Variants in SNX18 observed in about 807,000 individuals in gnomAD.
The protein encoded by SNX18 is sorting nexin 18, also known as sorting nexin-18.
In SNX18, 35 loss-of-function variants were observed where a neutral mutation model predicts 48.7. That is an observed-to-expected ratio of 0.72 (90% CI 0.55 to 0.95). The LOEUF is 0.95. Ranked by LOEUF, SNX18 falls within the 40% of genes least tolerant of loss-of-function variation. SNX18 has a pLI of 0.00. For missense variants in SNX18, 824 were observed against 871.0 expected (o/e 0.95, Z 0.68); for synonymous variants, 492 against 384.7 (o/e 1.28, Z -3.26).
chr5:54,632,027 G>A, the SNX18 span, among the ~76,000 whole-genome samples: 1 of 152,196 alleles, frequency 6.6e-6, no homozygotes, highest in African/African-American at 2.4e-5. Context: ...GAGTTCATCA[G>A]AGATTTCAAG....
At chr5:54,519,887 CGAGG>C (rs1561112751) in intron 1 of SNX18, 1 of 1,478,710 alleles carries the variant, frequency 6.8e-7, no homozygotes, top group Non-Finnish European at 9.2e-7. Flanking sequence ...AATCTTGAGA[CGAGG>C]GTAGAATTAG....
chr5:54,575,706 C>T, the SNX18 span, among the ~76,000 whole-genome samples: 3 of 151,948 alleles, frequency 2.0e-5, no homozygotes, highest in Admixed American at 6.6e-5. Flanking sequence ...TACAATTTTC[C>T]ATGAGAAAGA....
the SNX18 span, among the ~76,000 whole-genome samples, chr5:54,586,116 C>T: frequency 0.017 from 2,536 of 152,190 alleles, 78 homozygotes; most frequent in African/African-American, 0.057. Context: ...GTGGGTTTTT[C>T]CTAAAGGTAA....
At chr5:54,556,757 C>T in the SNX18 span, among the ~76,000 whole-genome samples, 22 of 152,116 alleles carry the variant, frequency 1.4e-4, no homozygotes, top group African/African-American at 4.8e-4. Flanking sequence ...AATGAACTTG[C>T]AGGATTGGGG....
chr5:54,601,661 G>A, the SNX18 span, among the ~76,000 whole-genome samples: 4 of 152,090 alleles, frequency 2.6e-5, no homozygotes, highest in African/African-American at 9.7e-5. Flanking sequence ...AGGAGGGATG[G>A]CAGATGAAGT....
chr5:54,557,895 T>C, the SNX18 span, among the ~76,000 whole-genome samples: 1 of 152,144 alleles, frequency 6.6e-6, no homozygotes, highest in East Asian at 1.9e-4. Flanking sequence ...TTTAAATGTA[T>C]TTTTATTTGT....
the SNX18 span, among the ~76,000 whole-genome samples, chr5:54,569,132 C>T: frequency 0.033 from 4,965 of 151,756 alleles, 272 homozygotes; most frequent in African/African-American, 0.11. Flanking sequence ...CATGAGCCAC[C>T]GCGCCCAACC....
intron 1 of SNX18, among the ~76,000 whole-genome samples, chr5:54,526,329 A>T (rs1464954771): frequency 6.6e-6 from 1 of 151,976 alleles, no homozygotes; most frequent in East Asian, 1.9e-4. Context: ...GCTGGTCTTG[A>T]ACTCCTGACC....
the SNX18 span, chr5:54,645,251 G>T: frequency 0.68 from 103,799 of 152,134 alleles, 35,511 homozygotes; most frequent in East Asian, 0.72. Context: ...TGTCAATTAG[G>T]TAATTGATGT....
the SNX18 span, among the ~76,000 whole-genome samples, chr5:54,625,464 C>T: frequency 6.6e-6 from 1 of 152,164 alleles, no homozygotes; most frequent in Non-Finnish European, 1.5e-5. Context: ...AGTTTTGTGC[C>T]ACTTGGATTT....
At chr5:54,632,413 T>C in the SNX18 span, among the ~76,000 whole-genome samples, 3 of 152,170 alleles carry the variant, frequency 2.0e-5, no homozygotes, top group Non-Finnish European at 4.4e-5. Flanking sequence ...CCAGCAGGAA[T>C]GGAAACTGGG....
intron 1 of SNX18, among the ~76,000 whole-genome samples, chr5:54,539,222 C>G (rs1762415157): frequency 6.6e-6 from 1 of 151,084 alleles, no homozygotes; most frequent in Non-Finnish European, 1.5e-5. Context: ...GTAGTGCTTG[C>G]TTTGAAGTCA....
chr5:54,619,501 G>A, the SNX18 span, among the ~76,000 whole-genome samples: 1 of 152,162 alleles, frequency 6.6e-6, no homozygotes, highest in East Asian at 1.9e-4. Context: ...GACAGAGCAA[G>A]ACCCTGTCTC....
chr5:54,624,744 T>G, the SNX18 span, among the ~76,000 whole-genome samples: 8,039 of 152,244 alleles, frequency 0.053, 287 homozygotes, highest in Non-Finnish European at 0.082. Flanking sequence ...ATAGAGTATG[T>G]CAAAGCTAAT....
At chr5:54,588,038 C>G in the SNX18 span, among the ~76,000 whole-genome samples, 1 of 152,056 alleles carries the variant, frequency 6.6e-6, no homozygotes, top group Non-Finnish European at 1.5e-5. Context: ...GCGGAAGAAG[C>G]CAATCTTCTA....
chr5:54,646,402 C>A, the SNX18 span, among the ~76,000 whole-genome samples: 1 of 152,364 alleles, frequency 6.6e-6, no homozygotes, highest in African/African-American at 2.4e-5. Flanking sequence ...CAGCTTGCCC[C>A]GTGTTCGTGG....
intron 1 of SNX18, among the ~76,000 whole-genome samples, chr5:54,541,934 T>G (rs1408643852): frequency 6.6e-6 from 1 of 152,150 alleles, no homozygotes; most frequent in Non-Finnish European, 1.5e-5. Context: ...AAAACAACAT[T>G]TCCGAAACAA....
At chr5:54,551,046 C>T (rs568504364), downstream of SNX18, among the ~76,000 whole-genome samples, 38 of 144,522 alleles carry the variant, frequency 2.6e-4, no homozygotes, top group African/African-American at 7.9e-4. Context: ...TTAAAAATAA[C>T]GAAATGAATG....
chr5:54,640,561 A>C, the SNX18 span, among the ~76,000 whole-genome samples: 1 of 152,180 alleles, frequency 6.6e-6, no homozygotes, highest in Non-Finnish European at 1.5e-5. Context: ...CTACAAGACG[A>C]AATAGTAATT....
Sources: allele counts gnomAD v4.1 joint callset (sites outside exome capture counted in the v4.1 genomes callset), GRCh38; gene constraint gnomAD v4.1.1; transcripts MANE v1.5; gene names NCBI Gene and HGNC (gene_info 2026-07-23, HGNC 2026-07-21).